Variants in ATP8A1 observed in about 807,000 individuals in gnomAD.
The protein encoded by ATP8A1 is phospholipid-transporting ATPase IA.
In ATP8A1, 90 loss-of-function variants were observed where a neutral mutation model predicts 177.7. That is an observed-to-expected ratio of 0.51 (90% confidence interval 0.43 to 0.60). The LOEUF is 0.60. Among genes scored for constraint, ATP8A1 ranks in the 20% least tolerant of loss-of-function variants. ATP8A1 has a pLI of 0.00. For missense variants in ATP8A1, 1,072 were observed against 1,392.8 expected (o/e 0.77, Z 3.67); for synonymous variants, 493 against 485.9 (o/e 1.01, Z -0.19).
At chr4:42,550,238 G>A (rs567431144) in intron 18 of ATP8A1, among the ~76,000 whole-genome samples, 1 of 136,022 alleles carries the variant, frequency 7.4e-6, no homozygotes, top group African/African-American at 2.8e-5. Context: ...TTTGATTCAT[G>A]TTTTGATTCA....
intron 4 of ATP8A1, among the ~76,000 whole-genome samples, chr4:42,616,685 T>C (rs970743294): frequency 1.3e-5 from 2 of 152,208 alleles, no homozygotes; most frequent in Admixed American, 1.3e-4. Flanking sequence ...TTGAATTACA[T>C]AATCTTATCA....
chr4:42,575,157 T>G (rs73237906), intron 13 of ATP8A1, among the ~76,000 whole-genome samples: 3,067 of 152,326 alleles, frequency 0.02, 43 homozygotes, highest in Non-Finnish European at 0.033. Context: ...AGTTGGAATA[T>G]GGCAACAATA....
At chr4:42,585,434 C>T (rs184428453) in intron 9 of ATP8A1, among the ~76,000 whole-genome samples, 15 of 150,048 alleles carry the variant, frequency 1.0e-4, no homozygotes, top group South Asian at 4.3e-4. Flanking sequence ...ATTCCCAAAG[C>T]GGTGTATCAG....
At chr4:42,574,552 A>C in intron 14 of ATP8A1, 67 bp downstream of exon 14, 2 of 1,333,746 alleles carry the variant, frequency 1.5e-6, no homozygotes, top group Non-Finnish European at 2.1e-6. Context: ...AAGAACTCCC[A>C]AATGTACCAA....
At position 42,410,342 on chromosome 4, in the gene ATP8A1, T is replaced by A. The variant is rs1387828174; in HGVS notation, c.*2574A>T. The A allele has an allele frequency of 3.9e-5, 6 of 152,198 alleles. No individual in the cohort carries two copies. Among genetic ancestry groups the A allele is most frequent in the Non-Finnish European group, 4.4e-5 (3 of 68,018 alleles). The allele number at this position is 152,198 out of a possible 1,614,324, so 9.4% of individuals were successfully genotyped here. On this transcript the variant is annotated 3_prime_UTR_variant, in exon 37 of 37. Transcript: ENST00000381668. ...TGTAAACATTGTAAAGCAACTGTGT[T>A]AGCATTTGCCAGAGTCCCTATAAGG...
In ATP8A1 at chr4:42,616,060, TA is replaced by T; in HGVS notation, c.381del (p.Asp127GlufsTer4). 6.2e-7 allele frequency: 1 copy of T among 1,612,088 alleles called. No homozygotes were observed. On this transcript the variant is annotated frameshift_variant, in exon 5 of 37. Transcript: ENST00000381668. LOFTEE classifies it high-confidence loss of function. ...IIEDIKRHKA[D>X]NAVNKKQTQV... ...TGCGTTTGTTTCTTGTTCACTGCAT[TA>T]TCAGCTTTATGTCGTTTCTAAAGTT...
In ATP8A1 at chr4:42,631,151, C is replaced by T. The variant is rs529107145; in HGVS notation, c.50-4042G>A. On this transcript the variant is annotated intron_variant, in intron 1 of 36. Coordinates refer to ENST00000381668, the MANE Select transcript of ATP8A1 (RefSeq NM_006095.2). ...AAGAATGTTTTGGGGTGGTAATTCT[C>T]TACCTTGTGGTGTAACTGACAATTC... Among the ~76,000 whole-genome samples, 7 of 152,294 alleles carry T rather than the reference C, an allele frequency of 4.6e-5. No individual in the cohort carries two copies. The East Asian group carries it at 9.6e-4, about 21-fold the overall frequency.
chr4:42,420,485 T>C (rs1029173615), intron 35 of ATP8A1, among the ~76,000 whole-genome samples: 2 of 152,326 alleles, frequency 1.3e-5, no homozygotes, highest in South Asian at 4.1e-4. Flanking sequence ...CTTTCCTTTT[T>C]GGGCTCTCTG....
intron 15 of ATP8A1, chr4:42,562,179 T>C (rs1730903807): frequency 6.6e-6 from 1 of 152,318 alleles, no homozygotes; most frequent in East Asian, 1.9e-4. Context: ...CATTGACACA[T>C]GCTCTGTGGA....
chr4:42,651,372 C>T (rs73170847), intron 1 of ATP8A1, among the ~76,000 whole-genome samples: 7,454 of 152,034 alleles, frequency 0.049, 346 homozygotes, highest in African/African-American at 0.13. Context: ...TTTGGAGGGC[C>T]CAGAAAGCAG....
chr4:42,419,566 A>C (rs1306773652), intron 35 of ATP8A1, among the ~76,000 whole-genome samples: 4 of 152,218 alleles, frequency 2.6e-5, no homozygotes, highest in Non-Finnish European at 5.9e-5. Context: ...AGTCTGTAAG[A>C]AGGGGCTCCC....
intron 32 of ATP8A1, 47 bp downstream of exon 32, chr4:42,444,531 C>A (rs1717004094): frequency 1.3e-6 from 2 of 1,554,572 alleles, no homozygotes; most frequent in African/African-American, 1.4e-5. Flanking sequence ...GGAGATAATG[C>A]ACAAGTAAAT....
chr4:42,572,785 T>C (rs1400638655), intron 14 of ATP8A1, among the ~76,000 whole-genome samples: 2 of 152,182 alleles, frequency 1.3e-5, no homozygotes, highest in African/African-American at 4.8e-5. Flanking sequence ...TTAGAAATGG[T>C]TTGGTCTCAC....
intron 16 of ATP8A1, among the ~76,000 whole-genome samples, chr4:42,555,314 T>G (rs1477081366): frequency 1.3e-5 from 2 of 152,086 alleles, no homozygotes; most frequent in Admixed American, 1.3e-4. Flanking sequence ...CCTATGGTAC[T>G]GAGCAGATAA....
intron 4 of ATP8A1, among the ~76,000 whole-genome samples, chr4:42,618,180 T>C (rs1201235547): frequency 6.6e-6 from 1 of 152,206 alleles, no homozygotes; most frequent in Non-Finnish European, 1.5e-5. Flanking sequence ...AACTCTTCCC[T>C]CCCTAGGTAT....
chr4:42,438,430 T>C (rs749760308), intron 33 of ATP8A1, among the ~76,000 whole-genome samples: 5 of 152,194 alleles, frequency 3.3e-5, no homozygotes, highest in East Asian at 1.9e-4. Context: ...TTTAATAGTT[T>C]TTTTAAATTT....
chr4:42,479,091 C>A (rs1721388308), intron 25 of ATP8A1, among the ~76,000 whole-genome samples: 1 of 152,206 alleles, frequency 6.6e-6, no homozygotes, highest in Non-Finnish European at 1.5e-5. Context: ...CATGTTCATT[C>A]ATGAGCTACA....
intron 15 of ATP8A1, among the ~76,000 whole-genome samples, chr4:42,560,922 T>C (rs10020683): frequency 2.5e-3 from 385 of 152,170 alleles, no homozygotes; most frequent in African/African-American, 8.8e-3. Context: ...ATTTAACAAG[T>C]TTTAAGTGGA....
intron 24 of ATP8A1, among the ~76,000 whole-genome samples, chr4:42,488,559 A>C (rs914034848): frequency 6.6e-6 from 1 of 152,208 alleles, no homozygotes; most frequent in East Asian, 1.9e-4. Flanking sequence ...AAACAAATTT[A>C]AAACACAAAT....
Sources: gnomAD v4.1 joint callset for allele counts (sites outside exome capture counted in the v4.1 genomes callset) on GRCh38, gnomAD v4.1.1 for gene constraint, MANE v1.5 for transcripts, NCBI Gene and HGNC (gene_info 2026-07-23, HGNC 2026-07-21) for gene names.